TC2N: variants seen among roughly 807,000 people sequenced by gnomAD.
The protein encoded by TC2N is tandem C2 domains nuclear protein.
Under a neutral mutation model 61.9 loss-of-function variants are expected in TC2N, and 51 were observed. That is an observed-to-expected ratio of 0.82 (90% CI 0.66 to 1.04). TC2N has a LOEUF of 1.04. Among genes scored for constraint, TC2N ranks in the 50% least tolerant of loss-of-function variants. The probability of loss-of-function intolerance (pLI) is 0.00; values close to 1 mark genes in which losing one functional copy is unlikely to be tolerated. For synonymous variants in TC2N, 204 were observed against 192.6 expected, an observed-to-expected ratio of 1.06 and a Z score of -0.49; for missense variants, 556 against 566.7, an observed-to-expected ratio of 0.98 and a Z score of 0.19.
intron 1 of TC2N, among the ~76,000 whole-genome samples, chr14:91,859,304 T>TA (rs201483802): frequency 0.01 from 1,525 of 151,192 alleles, 12 homozygotes; most frequent in Non-Finnish European, 0.017. Context: ...ACATAAAAAT[T>TA]AAAAAAAAAG....
At chr14:91,848,203 G>A (rs1227596184) in intron 1 of TC2N, among the ~76,000 whole-genome samples, 2 of 152,158 alleles carry the variant, frequency 1.3e-5, no homozygotes. Context: ...AAACCACATG[G>A]CTGCTGCTTA....
intron 1 of TC2N, among the ~76,000 whole-genome samples, chr14:91,839,018 A>G (rs1488784314): frequency 6.6e-6 from 1 of 152,210 alleles, no homozygotes; most frequent in African/African-American, 2.4e-5. Context: ...CGATCTAAGG[A>G]GAAAAATAGA....
chr14:91,801,530 T>C (rs1178890039), intron 4 of TC2N, among the ~76,000 whole-genome samples: 2 of 152,044 alleles, frequency 1.3e-5, no homozygotes, highest in Non-Finnish European at 2.9e-5. Context: ...GGTGGCACAC[T>C]TCTGTAGCCC....
chr14:91,846,422 G>C (rs1888272098), intron 1 of TC2N, among the ~76,000 whole-genome samples: 1 of 152,048 alleles, frequency 6.6e-6, no homozygotes, highest in South Asian at 2.1e-4. Flanking sequence ...CAAAACTAGA[G>C]AGAGATTATC....
intron 8 of TC2N, among the ~76,000 whole-genome samples, chr14:91,794,576 C>G (rs533947796): frequency 5.3e-5 from 8 of 151,506 alleles, no homozygotes; most frequent in Non-Finnish European, 1.0e-4. Flanking sequence ...ATAAAGGGAA[C>G]AACAAAGCCT....
At chr14:91,830,586 G>GT (rs377391362) in intron 1 of TC2N, among the ~76,000 whole-genome samples, 1 of 151,770 alleles carries the variant, frequency 6.6e-6, no homozygotes, top group African/African-American at 2.4e-5. Context: ...TGGGTACAAG[G>GT]TTTTTTTAGG....
intron 1 of TC2N, chr14:91,836,401 C>T (rs978992102): frequency 6.6e-6 from 1 of 152,144 alleles, no homozygotes; most frequent in East Asian, 1.9e-4. Context: ...TCTGCTGTCG[C>T]CGCCTGCGGG....
At chr14:91,828,481 T>C (rs1461967822) in intron 1 of TC2N, among the ~76,000 whole-genome samples, 1 of 152,020 alleles carries the variant, frequency 6.6e-6, no homozygotes, top group East Asian at 1.9e-4. Flanking sequence ...TTATATTATA[T>C]ATCTCTTTTT....
At chr14:91,821,777 A>C (rs1039142007) in intron 1 of TC2N, among the ~76,000 whole-genome samples, 4 of 152,112 alleles carry the variant, frequency 2.6e-5, no homozygotes, top group African/African-American at 9.7e-5. Context: ...TATATCCAGC[A>C]TATATAAAAA....
intron 4 of TC2N, among the ~76,000 whole-genome samples, chr14:91,801,910 T>C (rs1886268075): frequency 6.6e-6 from 1 of 152,190 alleles, no homozygotes; most frequent in Non-Finnish European, 1.5e-5. Context: ...AAAAGTGTTT[T>C]GAGAACACCT....
intron 1 of TC2N, among the ~76,000 whole-genome samples, chr14:91,855,608 A>G (rs1472910725): frequency 6.6e-6 from 1 of 152,222 alleles, no homozygotes; most frequent in Non-Finnish European, 1.5e-5. Flanking sequence ...TACATGTGCA[A>G]AGATCCTGTT....
chr14:91,799,314 T>C (rs1043482079), intron 5 of TC2N, among the ~76,000 whole-genome samples: 2 of 152,026 alleles, frequency 1.3e-5, no homozygotes, highest in African/African-American at 4.8e-5. Context: ...GGTTTTGTAA[T>C]AAGGAGAAAG....
Position 91,834,703 on chromosome 14 carries a change from C to T in TC2N, c.-56-20878G>A, listed in dbSNP as rs138027333. On this transcript the variant is annotated intron_variant, in intron 1 of 11. Transcript: ENST00000435962. The stretch of plus-strand genomic sequence containing the variant: ...ATAGGCACGTAATCAGTTCTTGACT[C>T]CCAGATAGACTTCTCTCCTTGTTAA... Among the ~76,000 whole-genome samples, 162 of 152,286 alleles carry T rather than the reference C, an allele frequency of 1.1e-3. 1 individual carries two copies. The highest frequency in any genetic ancestry group is 9.5e-3 in the East Asian group (49 of 5,180).
In TC2N at chr14:91,811,778, A is replaced by G. The variant is rs561025006; in HGVS notation, c.301+534T>C. On this transcript the variant is annotated intron_variant, in intron 3 of 11. Transcript: ENST00000435962. The stretch of plus-strand genomic sequence containing the variant: ...TGTGGGGGATTGGTTCCAGCCCTCT[A>G]TGGATACCAAAATCCATGGATGCTC... 2.6e-5 allele frequency among the ~76,000 whole-genome samples: 4 copies of G among 152,178 alleles called. No homozygotes were observed. In the South Asian group the frequency reaches 8.3e-4, roughly 31 times the overall value.
chr14:91,851,530 T>C (rs1399088636), intron 1 of TC2N, among the ~76,000 whole-genome samples: 1 of 152,182 alleles, frequency 6.6e-6, no homozygotes, highest in African/African-American at 2.4e-5. Flanking sequence ...AGCGTCGGAA[T>C]GAAGAAGGAA....
At position 91,785,165 on chromosome 14, in the gene TC2N, G is replaced by A. The variant is rs759810034; in HGVS notation, c.1359C>T (p.Gly453=). 5.0e-6 allele frequency: 8 copies of A among 1,609,152 alleles called. No individual in the cohort carries two copies. Among genetic ancestry groups the A allele is most frequent in the Middle Eastern group, 1.6e-4 (1 of 6,074 alleles). The change falls in exon 11 of 12, where the codon GGC becomes GGT. Residue 453 remains glycine, a synonymous_variant. Coordinates refer to ENST00000435962, the MANE Select transcript of TC2N (RefSeq NM_001128596.3). ...RSSVRRKHFV[G]QIWISEDSNN... Reference sequence around the variant, plus strand: ...AAGGATAAAAACTCCTACTAACCTGGCCCACAAAGTGTTTTCTTCTTACAG... The same window carrying A: ...AAGGATAAAAACTCCTACTAACCTGACCCACAAAGTGTTTTCTTCTTACAG...
intron 1 of TC2N, among the ~76,000 whole-genome samples, chr14:91,827,474 A>G (rs1014740453): frequency 2.0e-5 from 3 of 152,176 alleles, no homozygotes; most frequent in Non-Finnish European, 4.4e-5. Context: ...ACAAGACAGC[A>G]TCTTCCAGTC....
At chr14:91,819,897 CAG>C (rs1169324610) in intron 1 of TC2N, among the ~76,000 whole-genome samples, 1 of 151,632 alleles carries the variant, frequency 6.6e-6, no homozygotes, top group Non-Finnish European at 1.5e-5. Context: ...AATAAGAAAA[CAG>C]AGTTACAGCT....
At position 91,787,569 on chromosome 14, in the gene TC2N, T is replaced by A; in HGVS notation, c.1106A>T (p.Gln369Leu). Reference sequence around the variant, plus strand: ...GTACCGTGCCTCAAGAATTTGTAACTGAATTCTGCTATTTACTGCTTGAAA... The same window carrying A: ...GTACCGTGCCTCAAGAATTTGTAACAGAATTCTGCTATTTACTGCTTGAAA... Reference protein sequence around the residue: ...TCFQAVNSRIQLQILEARYLP... With the variant: ...TCFQAVNSRILLQILEARYLP... The change falls in exon 10 of 12, where the codon CAG (glutamine) becomes CTG (leucine). Residue 369 changes from glutamine to leucine, a missense_variant. By Grantham distance (113) the Gln-to-Leu change is moderately radical. Coordinates refer to ENST00000435962, the MANE Select transcript of TC2N (RefSeq NM_001128596.3). 6.2e-7 allele frequency: 1 copy of A among 1,613,038 alleles called. No individual in the cohort carries two copies. Among genetic ancestry groups the A allele is most frequent in the South Asian group, 1.1e-5 (1 of 90,844 alleles).
Sources: gnomAD v4.1 joint callset for allele counts (sites outside exome capture counted in the v4.1 genomes callset) on GRCh38, gnomAD v4.1.1 for gene constraint, MANE v1.5 for transcripts, NCBI Gene and HGNC (gene_info 2026-07-23, HGNC 2026-07-21) for gene names.